Variants in ADSS2 observed in about 807,000 individuals in gnomAD.
ADSS2 encodes the protein adenylosuccinate synthase 2, also known as adenylosuccinate synthetase isozyme 2.
A neutral mutation model predicts 60.0 loss-of-function variants in ADSS2; 30 were observed. That is an observed-to-expected ratio of 0.50 (90% confidence interval 0.37 to 0.68). The LOEUF (loss-of-function observed/expected upper bound fraction) is 0.68. Ranked by LOEUF, ADSS2 falls within the 30% of genes least tolerant of loss-of-function variation. ADSS2 has a pLI of 0.00. For missense variants in ADSS2, 373 were observed against 554.8 expected (o/e 0.67, Z 3.29); for synonymous variants, 187 against 193.1 (o/e 0.97, Z 0.26).
chr1:244,429,229 C>T (rs1229098977), intron 4 of ADSS2, among the ~76,000 whole-genome samples: 1 of 152,196 alleles, frequency 6.6e-6, no homozygotes, highest in Non-Finnish European at 1.5e-5. Flanking sequence ...ATCAAGATTT[C>T]GATCCAGATC....
rs1664366417 is a variant in ADSS2 at position 244,409,617 on chromosome 1, T to C, written c.1340A>G (p.Lys447Arg). 1.2e-6 allele frequency: 2 copies of C among 1,608,962 alleles called. No homozygotes were observed. Among genetic ancestry groups the C allele is most frequent in the Non-Finnish European group, 1.7e-6 (2 of 1,176,122 alleles). Residue 447 changes from lysine to arginine, a missense_variant, in exon 13 of 13, where the codon AAA (lysine) becomes AGA (arginine). Lys to Arg is a conservative substitution (Grantham distance 26). Transcript: ENST00000366535. ...QIPVKWIGVGKSRESMIQLF is the reference protein window; with the variant it reads ...QIPVKWIGVGRSRESMIQLF ...GAGTTGAATCATAGATTCTCTGGATTTACCAACACCAATCCACTTAACTAG... is the reference window on the plus strand; with the variant it reads ...GAGTTGAATCATAGATTCTCTGGATCTACCAACACCAATCCACTTAACTAG...
At chr1:244,414,401 A>AT (rs747679730) in intron 11 of ADSS2, among the ~76,000 whole-genome samples, 4 of 152,324 alleles carry the variant, frequency 2.6e-5, no homozygotes, top group Middle Eastern at 6.8e-3. Context: ...CTAAATGGAA[A>AT]TTCTAGAAAT....
At position 244,451,598 on chromosome 1, in the gene ADSS2, C is replaced by A; in HGVS notation, c.183+37G>T. 1.3e-6 allele frequency: 2 copies of A among 1,574,472 alleles called. No individual in the cohort carries two copies. Among genetic ancestry groups the A allele is most frequent in the Non-Finnish European group, 1.7e-6 (2 of 1,160,842 alleles). On this transcript the variant is annotated intron_variant, in intron 1 of 12. Coordinates refer to ENST00000366535, the MANE Select transcript of ADSS2 (RefSeq NM_001126.5). The surrounding 1 kb of genome is among the most constrained non-coding windows in gnomAD (Gnocchi z 6.6). ...CCAGGAGCCAGGCAGCCCGAGCTCC[C>A]GGGCCCGGCTTCCCATGAGAGGCCC...
At chr1:244,449,272 G>A (rs1039488358) in intron 1 of ADSS2, among the ~76,000 whole-genome samples, 3 of 152,186 alleles carry the variant, frequency 2.0e-5, no homozygotes, top group Admixed American at 1.3e-4. Context: ...TTGGGAGAAA[G>A]TCCTTATGAG....
At chr1:244,440,298 A>G (rs944686385) in intron 1 of ADSS2, among the ~76,000 whole-genome samples, 1 of 152,184 alleles carries the variant, frequency 6.6e-6, no homozygotes, top group East Asian at 1.9e-4. Context: ...AATCATCCCA[A>G]TTATGAGGTC....
At chr1:244,434,827 C>T (rs1248328901) in intron 3 of ADSS2, among the ~76,000 whole-genome samples, 1 of 152,064 alleles carries the variant, frequency 6.6e-6, no homozygotes, top group Non-Finnish European at 1.5e-5. Context: ...GTAGCAAAGA[C>T]AGGGTTCTGT....
At chr1:244,412,104 T>C (rs1664430219) in intron 11 of ADSS2, among the ~76,000 whole-genome samples, 2 of 152,206 alleles carry the variant, frequency 1.3e-5, no homozygotes, top group Admixed American at 1.3e-4. Context: ...CAGCAGCCCA[T>C]ATCCATTGAC....
intron 3 of ADSS2, among the ~76,000 whole-genome samples, chr1:244,435,346 T>C (rs1026832021): frequency 6.6e-6 from 1 of 152,018 alleles, no homozygotes. Flanking sequence ...GATTTCAGAT[T>C]TTTTTTGGAC....
chr1:244,450,481 T>C (rs1018383043), intron 1 of ADSS2, among the ~76,000 whole-genome samples: 22 of 152,264 alleles, frequency 1.4e-4, no homozygotes, highest in Admixed American at 2.6e-4. Flanking sequence ...AACATACCTG[T>C]GATTTCATTG....
At chr1:244,437,618 A>T (rs1189717391) in intron 2 of ADSS2, 48 bp downstream of exon 2, 4 of 1,296,278 alleles carry the variant, frequency 3.1e-6, no homozygotes, top group Admixed American at 3.4e-5. Flanking sequence ...AAACGCCATT[A>T]TCAACTGGTG....
At chr1:244,421,900 G>C (rs1335178544) in intron 7 of ADSS2, among the ~76,000 whole-genome samples, 10 of 152,148 alleles carry the variant, frequency 6.6e-5, no homozygotes, top group Non-Finnish European at 1.3e-4. Context: ...CTTGAGCCTA[G>C]AAAGTCAAGG....
chr1:244,410,751 G>A (rs528829231), intron 12 of ADSS2, among the ~76,000 whole-genome samples: 6 of 152,168 alleles, frequency 3.9e-5, no homozygotes, highest in Admixed American at 1.3e-4. Flanking sequence ...ATTAAAGACA[G>A]GGTCAGAAAG....
chr1:244,440,097 G>C (rs1204902886), intron 1 of ADSS2, among the ~76,000 whole-genome samples: 1 of 152,210 alleles, frequency 6.6e-6, no homozygotes, highest in Non-Finnish European at 1.5e-5. Context: ...GTGATAGGAA[G>C]TTAAAGCCAG....
rs1665598722 is a variant in ADSS2 at position 244,451,493 on chromosome 1, TCAGGA to T, written c.183+137_183+141del. 1 of 927,848 alleles carries T rather than the reference TCAGGA, an allele frequency of 1.1e-6. No individual in the cohort carries two copies. Among genetic ancestry groups the T allele is most frequent in the Non-Finnish European group, 1.6e-6 (1 of 643,348 alleles). The allele number at this position is 927,848 out of a possible 1,614,324, so 57.5% of individuals were successfully genotyped here. On this transcript the variant is annotated intron_variant, in intron 1 of 12. Coordinates refer to ENST00000366535, the MANE Select transcript of ADSS2 (RefSeq NM_001126.5). The surrounding 1 kb of genome is among the most constrained non-coding windows in gnomAD (Gnocchi z 6.6). ...CGCCATTTCTCCACGTAGCCGCAGC[TCAGGA>T]CAGGAGGAGAGAGCCTCAAGGTGAC...
intron 6 of ADSS2, 106 bp from the exon 7 acceptor site, chr1:244,423,022 AAAT>A (rs1422465212): frequency 1.5e-6 from 1 of 689,468 alleles, no homozygotes; most frequent in African/African-American, 1.8e-5. Flanking sequence ...TCTTAACAGC[AAAT>A]TAATCCTGAA....
chr1:244,426,025 A>C (rs1664795250), intron 4 of ADSS2, among the ~76,000 whole-genome samples: 4 of 152,198 alleles, frequency 2.6e-5, no homozygotes, highest in Non-Finnish European at 2.9e-5. Context: ...GCAATGAAAA[A>C]GAATAAATAC....
At chr1:244,420,087 C>T (rs879312718) in intron 8 of ADSS2, 83 bp downstream of exon 8, 108 of 1,367,624 alleles carry the variant, frequency 7.9e-5, no homozygotes, top group Non-Finnish European at 1.0e-4. Context: ...TTTAAAACTC[C>T]TTAATGCTAA....
intron 1 of ADSS2, among the ~76,000 whole-genome samples, chr1:244,441,346 C>T (rs1248961905): frequency 1.8e-4 from 28 of 152,228 alleles, no homozygotes; most frequent in Admixed American, 1.8e-3. Flanking sequence ...GCGTGAGCCA[C>T]TGCGCCCGGC....
chr1:244,424,231 CT>C lies in ADSS2; in HGVS notation c.473+89del, dbSNP rs887610583. The C allele has an allele frequency of 1.6e-5, 21 of 1,340,238 alleles. No individual in the cohort carries two copies. In the African/African-American group the frequency reaches 2.1e-4, roughly 13 times the overall value. The allele number at this position is 1,340,238 out of a possible 1,614,324, so 83.0% of individuals were successfully genotyped here. On this transcript the variant is annotated intron_variant, in intron 5 of 12. Transcript: ENST00000366535. The stretch of plus-strand genomic sequence containing the variant: ...TTCTCTAAAACAGGATATTCTAATA[CT>C]TATTTTTCTTAAACTTCTGGTCTAG...
Sources: allele counts gnomAD v4.1 joint callset (sites outside exome capture counted in the v4.1 genomes callset), GRCh38; gene constraint gnomAD v4.1.1; non-coding constraint Gnocchi (gnomAD v3.1); transcripts MANE v1.5; gene names NCBI Gene and HGNC (gene_info 2026-07-23, HGNC 2026-07-21).